TRAPPC9: variants seen among roughly 807,000 people sequenced by gnomAD.
TRAPPC9 encodes trafficking protein particle complex subunit 9, also known as IKK2 binding protein.
In TRAPPC9, 83 loss-of-function variants were observed where a neutral mutation model predicts 124.0. That is an observed-to-expected ratio of 0.67 (90% confidence interval 0.56 to 0.80). The LOEUF (loss-of-function observed/expected upper bound fraction) is 0.80, where lower values mean the gene tolerates loss of function less well. TRAPPC9 is among the 30% of genes least tolerant of loss of function. TRAPPC9 has a pLI of 0.00. For synonymous variants in TRAPPC9, 638 were observed against 617.5 expected, an observed-to-expected ratio of 1.03 and a Z score of -0.49; for missense variants, 1,302 against 1,508.3, an observed-to-expected ratio of 0.86 and a Z score of 2.27.
rs1163105648 is a variant in TRAPPC9 at position 139,875,824 on chromosome 8, A to C, written c.3055+10055T>G. On this transcript the variant is annotated intron_variant, in intron 21 of 22. Transcript: ENST00000438773. ...CGGAGGCTCCTCCACAGGCCTCAGA[A>C]GTACTGACTAACACTGGCCTGGAGC... Among the ~76,000 whole-genome samples, 6 of 152,256 alleles carry C rather than the reference A, an allele frequency of 3.9e-5. No individual in the cohort carries two copies. In the East Asian group the frequency reaches 1.2e-3, roughly 29 times the overall value.
At chr8:139,800,791 C>T (rs948866006) in intron 21 of TRAPPC9, among the ~76,000 whole-genome samples, 2 of 152,008 alleles carry the variant, frequency 1.3e-5, no homozygotes, top group South Asian at 4.2e-4. Flanking sequence ...CACCTTCCCT[C>T]CGTCCGGTAT....
At chr8:140,184,096 A>G (rs1249521139) in intron 17 of TRAPPC9, among the ~76,000 whole-genome samples, 1 of 152,002 alleles carries the variant, frequency 6.6e-6, no homozygotes, top group African/African-American at 2.4e-5. Context: ...TCGTGGGCTG[A>G]GAGTGGGGGC....
At chr8:140,222,138 T>C (rs1002923260) in intron 16 of TRAPPC9, among the ~76,000 whole-genome samples, 9 of 152,094 alleles carry the variant, frequency 5.9e-5, no homozygotes, top group Non-Finnish European at 1.3e-4. Context: ...GCTGAGCCGC[T>C]CCTCAGGCTG....
chr8:139,808,605 C>T (rs936362973), intron 21 of TRAPPC9, among the ~76,000 whole-genome samples: 2 of 152,364 alleles, frequency 1.3e-5, no homozygotes, highest in African/African-American at 4.8e-5. Flanking sequence ...TCCATACCCA[C>T]TGGCAGTCAT....
At chr8:139,813,442 A>G (rs549291621) in intron 21 of TRAPPC9, among the ~76,000 whole-genome samples, 201 of 152,312 alleles carry the variant, frequency 1.3e-3, no homozygotes, top group Non-Finnish European at 2.3e-3. Context: ...CACCTTCTGG[A>G]ACCGTCCTCT....
At chr8:139,933,969 G>A (rs1179044934) in intron 19 of TRAPPC9, 1 of 152,108 alleles carries the variant, frequency 6.6e-6, no homozygotes, top group Non-Finnish European at 1.5e-5. Context: ...GCTAGTAGGT[G>A]TCATCTATTA....
rs887530773 is a variant in TRAPPC9 at position 140,252,082 on chromosome 8, T to C, written c.2431+695A>G. 1.3e-5 allele frequency among the ~76,000 whole-genome samples: 2 copies of C among 151,862 alleles called. No homozygotes were observed. The highest frequency in any genetic ancestry group is 4.8e-5 in the African/African-American group (2 of 41,328). ...CTGTGTTGCCCAGGCTGGAGTGCAG[T>C]GGCGTGATCTCGACTCACTGCAACC... On this transcript the variant is annotated intron_variant, in intron 16 of 22. Transcript: ENST00000438773. The surrounding 1 kb of genome is among the most constrained non-coding windows in gnomAD (Gnocchi z 4.2).
Position 139,781,158 on chromosome 8 carries a change from C to T in TRAPPC9, c.3056-48956G>A, listed in dbSNP as rs914110883. Among the ~76,000 whole-genome samples the T allele has an allele frequency of 3.3e-5, 5 of 152,088 alleles. No individual in the cohort carries two copies. The East Asian group carries it at 5.8e-4, about 18-fold the overall frequency. ...AGTATAATCTAGCAGTCACACTTCT[C>T]GGTATTTACCCAAATGAGTTGAAAA... On this transcript the variant is annotated intron_variant, in intron 21 of 22. Coordinates refer to ENST00000438773, the MANE Select transcript of TRAPPC9 (RefSeq NM_001160372.4).
intron 21 of TRAPPC9, among the ~76,000 whole-genome samples, chr8:139,846,937 C>T (rs958715082): frequency 2.0e-5 from 3 of 152,274 alleles, no homozygotes; most frequent in Admixed American, 1.3e-4. Flanking sequence ...AATCCATTAA[C>T]AAGCTCTTGA....
chr8:140,176,240 G>A (rs1022677855), intron 17 of TRAPPC9, among the ~76,000 whole-genome samples: 63 of 152,122 alleles, frequency 4.1e-4, no homozygotes, highest in African/African-American at 1.5e-3. Flanking sequence ...TTAACGTACT[G>A]GTGTATCCAC....
chr8:139,773,138 C>T (rs998800860), intron 21 of TRAPPC9, among the ~76,000 whole-genome samples: 2 of 152,180 alleles, frequency 1.3e-5, no homozygotes, highest in Non-Finnish European at 2.9e-5. Context: ...CTGGCTGCCT[C>T]GGGAGTCACG....
At chr8:140,208,865 G>T (rs763152284) in intron 17 of TRAPPC9, among the ~76,000 whole-genome samples, 7 of 152,214 alleles carry the variant, frequency 4.6e-5, no homozygotes, top group South Asian at 2.1e-4. Context: ...CAAAAACACA[G>T]TATTGGTGGG....
At chr8:140,035,387 G>C (rs1840811050) in intron 17 of TRAPPC9, among the ~76,000 whole-genome samples, 1 of 152,208 alleles carries the variant, frequency 6.6e-6, no homozygotes, top group Non-Finnish European at 1.5e-5. Flanking sequence ...ATCAACTCAA[G>C]AGGAGACACT....
In TRAPPC9 at chr8:139,988,832, G is replaced by C. The variant is rs370626310; in HGVS notation, c.2704C>G (p.Arg902Gly). ...ACATCCAGGAGCAGGTGACACTGCC[G>C]GGTACTGCGTTAAAGAAAAAAGAAA... Reference protein sequence around the residue: ...RVSTLPATSTRQCHLLLDVFN... With the variant: ...RVSTLPATSTGQCHLLLDVFN... The change falls in exon 19 of 23, where the codon CGG becomes GGG. Residue 902 changes from arginine to glycine, a missense_variant. Arg to Gly is a moderately radical substitution (Grantham distance 125). This residue lies in a region of TRAPPC9 where 640 missense variants were observed against 679.3 expected (regional missense o/e 0.94). Transcript: ENST00000438773. The C allele has an allele frequency of 6.5e-7, 1 of 1,547,754 alleles. No individual in the cohort carries two copies. Among genetic ancestry groups the C allele is most frequent in the Admixed American group, 2.0e-5 (1 of 51,002 alleles).
chr8:140,069,389 G>C (rs1339352139), intron 17 of TRAPPC9, among the ~76,000 whole-genome samples: 1 of 152,116 alleles, frequency 6.6e-6, no homozygotes, highest in African/African-American at 2.4e-5. Context: ...TTAAACGGCG[G>C]GGGTGGAATT....
intron 17 of TRAPPC9, among the ~76,000 whole-genome samples, chr8:140,093,349 C>T (rs1278813000): frequency 6.6e-6 from 1 of 152,110 alleles, no homozygotes; most frequent in Non-Finnish European, 1.5e-5. Context: ...GAAGAACAAG[C>T]TCTTAAAGTC....
intron 8 of TRAPPC9, among the ~76,000 whole-genome samples, chr8:140,367,126 T>C (rs2132219168): frequency 6.6e-6 from 1 of 152,298 alleles, no homozygotes; most frequent in African/African-American, 2.4e-5. Context: ...CTGAAGGGGA[T>C]GCAAAATGGT....
intron 19 of TRAPPC9, among the ~76,000 whole-genome samples, chr8:139,951,923 A>T (rs552155243): frequency 1.3e-5 from 2 of 152,246 alleles, no homozygotes; most frequent in Non-Finnish European, 2.9e-5. Flanking sequence ...TCTGGGAGGA[A>T]GGTGTTCTGG....
intron 19 of TRAPPC9, among the ~76,000 whole-genome samples, chr8:139,930,370 C>T (rs2233224): frequency 0.11 from 16,556 of 152,240 alleles, 1,021 homozygotes; most frequent in Admixed American, 0.18. Context: ...TCACACAACA[C>T]GGTTCTCGCC....
Sources: gnomAD v4.1 joint callset for allele counts (sites outside exome capture counted in the v4.1 genomes callset) on GRCh38, gnomAD v4.1.1 for gene constraint, gnomAD v4.1.1 regional missense constraint, Gnocchi (gnomAD v3.1) non-coding constraint, MANE v1.5 for transcripts, NCBI Gene and HGNC (gene_info 2026-07-23, HGNC 2026-07-21) for gene names.